SATL1: variants seen among roughly 807,000 people sequenced by gnomAD.
The protein encoded by SATL1 is spermidine/spermine N1-acetyl transferase like 1, also known as spermidine/spermine N(1)-acetyltransferase-like protein 1.
A neutral mutation model predicts 51.8 loss-of-function variants in SATL1; 47 were observed. That is an observed-to-expected ratio of 0.91 (90% CI 0.72 to 1.16). The LOEUF (loss-of-function observed/expected upper bound fraction) is 1.16, where lower values mean the gene tolerates loss of function less well. SATL1 is among the 50% of genes most tolerant of loss of function. The pLI, the probability that SATL1 is intolerant of heterozygous loss-of-function variation, is 0.00. For synonymous variants in SATL1, 176 were observed against 182.4 expected, an observed-to-expected ratio of 0.97 and a Z score of 0.28; for missense variants, 520 against 526.4, an observed-to-expected ratio of 0.99 and a Z score of 0.12.
intron 2 of SATL1, among the ~76,000 whole-genome samples, chrX:85,124,404 G>A (rs1157383765): frequency 8.9e-6 from 1 of 111,836 alleles, no homozygotes; most frequent in Non-Finnish European, 1.9e-5. Flanking sequence ...CTGAATTTCA[G>A]TTTCCTCATC....
chrX:85,135,024 G>A lies in SATL1; in HGVS notation c.-312-25744C>T, dbSNP rs184579614. ...AAAGAACAAGATCATGTCCTTTGCA[G>A]GGACATGGATGGAGCTGGGAGCTGT... On this transcript the variant is annotated intron_variant, in intron 2 of 7. Transcript: ENST00000644105. Among the ~76,000 whole-genome samples, 9 of 112,118 alleles carry A rather than the reference G, an allele frequency of 8.0e-5. No homozygotes were observed. In the East Asian group the frequency reaches 2.5e-3, roughly 32 times the overall value.
intron 1 of SATL1, among the ~76,000 whole-genome samples, chrX:85,236,958 A>T (rs756815100): frequency 1.8e-5 from 2 of 111,692 alleles, no homozygotes; most frequent in Non-Finnish European, 3.8e-5. Flanking sequence ...AAACAAATTC[A>T]GTAACATTAC....
chrX:85,213,799 T>C (rs16980168), intron 2 of SATL1, among the ~76,000 whole-genome samples: 1,181 of 111,160 alleles, frequency 0.011, 12 homozygotes, highest in Admixed American at 0.036. Flanking sequence ...TGATGAAAGA[T>C]AGAACTGAAA....
chrX:85,102,458 T>G (rs1432947332), intron 4 of SATL1, among the ~76,000 whole-genome samples: 5 of 111,839 alleles, frequency 4.5e-5, no homozygotes, highest in African/African-American at 1.6e-4. Context: ...ATATGTGTAT[T>G]TAATCACATT....
intron 3 of SATL1, among the ~76,000 whole-genome samples, chrX:85,106,328 A>T (rs1342559240): frequency 2.7e-5 from 3 of 111,610 alleles, no homozygotes; most frequent in Admixed American, 9.6e-5. Flanking sequence ...ATTCTTACAG[A>T]TCTGTAACCA....
chrX:85,234,000 A>G (rs1469983006), intron 1 of SATL1, among the ~76,000 whole-genome samples: 1 of 111,352 alleles, frequency 9.0e-6, no homozygotes, highest in Non-Finnish European at 1.9e-5. Flanking sequence ...GATATCTAAT[A>G]ATCAAATTTC....
chrX:85,215,823 C>T (rs1380354488), intron 2 of SATL1, among the ~76,000 whole-genome samples: 3 of 112,434 alleles, frequency 2.7e-5, no homozygotes, highest in Admixed American at 1.9e-4. Flanking sequence ...CAAACTTTCA[C>T]CTGTCTCCCA....
intron 2 of SATL1, among the ~76,000 whole-genome samples, chrX:85,109,967 A>G (rs1219660837): frequency 1.8e-5 from 2 of 111,733 alleles, no homozygotes; most frequent in Non-Finnish European, 1.9e-5. Flanking sequence ...CTGAGATCGC[A>G]CTATTGCACT....
intron 2 of SATL1, among the ~76,000 whole-genome samples, chrX:85,204,729 C>T (rs1481932777): frequency 1.8e-5 from 2 of 111,830 alleles, no homozygotes; most frequent in Non-Finnish European, 3.8e-5. Flanking sequence ...TGTGAATACG[C>T]ACAGGGGTTA....
intron 1 of SATL1, among the ~76,000 whole-genome samples, chrX:85,229,962 G>A (rs760479824): frequency 1.8e-3 from 203 of 111,548 alleles, no homozygotes; most frequent in African/African-American, 6.1e-3. Context: ...ATGTTCATGA[G>A]TTGGAAAACT....
chrX:85,194,146 A>C (rs763311482), intron 2 of SATL1, among the ~76,000 whole-genome samples: 74 of 112,226 alleles, frequency 6.6e-4, no homozygotes, highest in Non-Finnish European at 1.2e-3. Flanking sequence ...ACAGTATATA[A>C]GTGTTGCTTT....
At chrX:85,125,604 G>A (rs984288574) in intron 2 of SATL1, among the ~76,000 whole-genome samples, 66 of 107,665 alleles carry the variant, frequency 6.1e-4, no homozygotes, top group Non-Finnish European at 7.1e-4. Flanking sequence ...GGTGTAAATG[G>A]TAGATACAAC....
intron 4 of SATL1, among the ~76,000 whole-genome samples, chrX:85,097,621 C>A (rs1395437012): frequency 2.7e-5 from 3 of 112,248 alleles, no homozygotes. Context: ...GGGTTACAGG[C>A]GTGAGCCACC....
chrX:85,237,655 G>A (rs1424574569), intron 1 of SATL1, among the ~76,000 whole-genome samples: 1 of 111,369 alleles, frequency 9.0e-6, no homozygotes, highest in Non-Finnish European at 1.9e-5. Flanking sequence ...ATTTATCTGG[G>A]CAAAGATTTC....
At chrX:85,092,658 T>A in intron 7 of SATL1, 97 bp from the exon 8 acceptor site, 1 of 761,983 alleles carries the variant, frequency 1.3e-6, no homozygotes, top group Non-Finnish European at 1.8e-6. Flanking sequence ...TGCAAGACAC[T>A]ATGTGTGAAT....
rs1924581948 is a variant in SATL1, at chrX:85,093,202, G to C, written c.1900C>G (p.Leu634Val). The change falls in exon 7 of 8, where the codon CTG becomes GTG. Residue 634 changes from leucine (L) to valine (V), a missense_variant. Leu to Val is a conservative substitution (Grantham distance 32). This residue lies in a region of SATL1 where 488 missense variants were observed against 474.3 expected (regional missense o/e 1.03). Coordinates refer to ENST00000644105, the MANE Select transcript of SATL1 (RefSeq NM_001367857.2). ...YQGLGIGAEM[L>V]KRLSQIAITT... ...ATACATACCTGACTTAGCCTCTTCA[G>C]CATTTCAGCTCCAATACCTAGGCCT... 2.6e-6 allele frequency: 3 copies of C among 1,163,158 alleles called. No individual in the cohort carries two copies. Among genetic ancestry groups the C allele is most frequent in the African/African-American group, 1.8e-5 (1 of 55,752 alleles).
chrX:85,152,843 G>A (rs949779753), intron 2 of SATL1, among the ~76,000 whole-genome samples: 1 of 110,526 alleles, frequency 9.0e-6, no homozygotes, highest in Non-Finnish European at 1.9e-5. Context: ...GGGAGGGATA[G>A]CATTAGGAGA....
intron 1 of SATL1, among the ~76,000 whole-genome samples, chrX:85,234,530 G>T (rs1467713138): frequency 8.9e-6 from 1 of 111,760 alleles, no homozygotes; most frequent in Non-Finnish European, 1.9e-5. Flanking sequence ...GACATAAATA[G>T]AAATGACAAA....
chrX:85,120,137 G>C (rs866511151), intron 2 of SATL1, among the ~76,000 whole-genome samples: 1 of 111,248 alleles, frequency 9.0e-6, no homozygotes, highest in Non-Finnish European at 1.9e-5. Flanking sequence ...AAATATCCCT[G>C]TTCCTGTGCT....
Sources: gnomAD v4.1 joint callset for allele counts (sites outside exome capture counted in the v4.1 genomes callset) on GRCh38, gnomAD v4.1.1 for gene constraint, gnomAD v4.1.1 regional missense constraint, MANE v1.5 for transcripts, NCBI Gene and HGNC (gene_info 2026-07-23, HGNC 2026-07-21) for gene names.